B3GALT1: variants seen among roughly 807,000 people sequenced by gnomAD.
B3GALT1 encodes beta-1,3-galactosyltransferase 1, also known as UDP-Gal:betaGlcNAc beta 1,3-galactosyltransferase, polypeptide 1.
In B3GALT1, 10 loss-of-function variants were observed where a neutral mutation model predicts 23.2. That is an observed-to-expected ratio of 0.43 (90% CI 0.27 to 0.73). The LOEUF (loss-of-function observed/expected upper bound fraction) is 0.73, where lower values mean the gene tolerates loss of function less well. Among genes scored for constraint, B3GALT1 ranks in the 30% least tolerant of loss-of-function variants. The pLI is 0.21. For synonymous variants in B3GALT1, 156 were observed against 141.5 expected (o/e 1.10, Z -0.73); for missense variants, 299 against 405.4 (o/e 0.74, Z 2.25).
chr2:167,711,263 C>T (rs946993645), intron 3 of B3GALT1, among the ~76,000 whole-genome samples: 2 of 152,166 alleles, frequency 1.3e-5, no homozygotes, highest in Non-Finnish European at 2.9e-5. Flanking sequence ...GACCTCTAGT[C>T]GCACTCCATC....
At chr2:167,325,867 G>A (rs1322419752) in intron 1 of B3GALT1, among the ~76,000 whole-genome samples, 13 of 151,722 alleles carry the variant, frequency 8.6e-5, no homozygotes, top group African/African-American at 2.9e-4. Context: ...ACAGACGTTT[G>A]CCACCACACC....
At chr2:167,579,583 A>G (rs1232915812) in intron 2 of B3GALT1, among the ~76,000 whole-genome samples, 1 of 151,948 alleles carries the variant, frequency 6.6e-6, no homozygotes, top group South Asian at 2.1e-4. Context: ...GATAACTGCT[A>G]GGTTAAAGTC....
At position 167,570,736 on chromosome 2, in the gene B3GALT1, T is replaced by C. The variant is rs566949462; in HGVS notation, c.-409-76173T>C. On this transcript the variant is annotated intron_variant, in intron 2 of 4. Coordinates refer to ENST00000392690, the MANE Select transcript of B3GALT1 (RefSeq NM_020981.4). ...TAGAAAGATTTTAATCAGTGTTCTT[T>C]TGTTGCTATTGTTTTACCACCCCCC... Among the ~76,000 whole-genome samples, 168 of 152,090 alleles carry C rather than the reference T, an allele frequency of 1.1e-3. 1 individual carries two copies. The highest frequency in any genetic ancestry group is 3.8e-3 in the African/African-American group (157 of 41,538).
At chr2:167,539,255 T>A (rs1159936432) in intron 2 of B3GALT1, among the ~76,000 whole-genome samples, 34 of 150,650 alleles carry the variant, frequency 2.3e-4, no homozygotes, top group Non-Finnish European at 2.9e-5. Context: ...TTTCTTTTTC[T>A]ATTTAAAAAA....
chr2:167,335,766 C>T (rs140034287), intron 1 of B3GALT1, among the ~76,000 whole-genome samples: 141 of 152,238 alleles, frequency 9.3e-4, no homozygotes, highest in African/African-American at 3.2e-3. Flanking sequence ...GTTTGGCTGG[C>T]TTCTTTACTG....
intron 1 of B3GALT1, among the ~76,000 whole-genome samples, chr2:167,343,832 A>G (rs1392581201): frequency 1.3e-5 from 2 of 152,132 alleles, no homozygotes; most frequent in East Asian, 3.9e-4. Flanking sequence ...TTCAGGCTGT[A>G]TTAGAAGGGG....
intron 3 of B3GALT1, among the ~76,000 whole-genome samples, chr2:167,700,141 T>C (rs536881137): frequency 6.6e-6 from 1 of 152,192 alleles, no homozygotes; most frequent in Non-Finnish European, 1.5e-5. Flanking sequence ...TCCTAGCTAC[T>C]TGGGAGGCTG....
chr2:167,337,039 C>G (rs1324569812), intron 1 of B3GALT1, among the ~76,000 whole-genome samples: 1 of 152,148 alleles, frequency 6.6e-6, no homozygotes, highest in Non-Finnish European at 1.5e-5. Context: ...TGCCCCTCTT[C>G]CATGGAGGGG....
At chr2:167,297,368 C>T (rs1203071735) in intron 1 of B3GALT1, among the ~76,000 whole-genome samples, 2 of 149,712 alleles carry the variant, frequency 1.3e-5, no homozygotes, top group African/African-American at 4.9e-5. Flanking sequence ...GAAGGTATCA[C>T]ATTTATGTAC....
intron 3 of B3GALT1, chr2:167,715,091 G>T (rs1687122622): frequency 6.2e-7 from 1 of 1,613,208 alleles, no homozygotes; most frequent in Admixed American, 1.7e-5. Flanking sequence ...GGCTTTTAAA[G>T]AAACATTTAA....
intron 2 of B3GALT1, among the ~76,000 whole-genome samples, chr2:167,601,608 C>G: frequency 6.6e-6 from 1 of 152,066 alleles, no homozygotes. Flanking sequence ...TATTATTATC[C>G]CATTATTACA....
At chr2:167,646,743 C>T (rs1026282016) in intron 2 of B3GALT1, among the ~76,000 whole-genome samples, 166 bp from the exon 3 acceptor site, 4 of 151,976 alleles carry the variant, frequency 2.6e-5, no homozygotes, top group African/African-American at 4.8e-5. Flanking sequence ...AGTAATGGCC[C>T]GACAAATGAT....
At chr2:167,382,186 A>G (rs1697855539) in intron 1 of B3GALT1, among the ~76,000 whole-genome samples, 3 of 152,184 alleles carry the variant, frequency 2.0e-5, no homozygotes, top group Admixed American at 2.0e-4. Context: ...TCCACCATCA[A>G]ATAATTTCCC....
At chr2:167,747,173 A>G (rs2105282369) in intron 3 of B3GALT1, among the ~76,000 whole-genome samples, 1 of 152,218 alleles carries the variant, frequency 6.6e-6, no homozygotes, top group South Asian at 2.1e-4. Context: ...ATAAAGGGGG[A>G]GAGCATTGTG....
chr2:167,444,442 G>A (rs112630939), intron 1 of B3GALT1, among the ~76,000 whole-genome samples: 131 of 152,286 alleles, frequency 8.6e-4, no homozygotes, highest in African/African-American at 3.0e-3. Flanking sequence ...AGAAGGAATG[G>A]TACCAGCTCC....
intron 3 of B3GALT1, among the ~76,000 whole-genome samples, chr2:167,725,196 A>C (rs1214277298): frequency 6.6e-6 from 1 of 152,176 alleles, no homozygotes; most frequent in Non-Finnish European, 1.5e-5. Context: ...TAGAAGCCTC[A>C]AAACTTGGAG....
intron 1 of B3GALT1, among the ~76,000 whole-genome samples, chr2:167,429,138 G>A (rs573512759): frequency 5.7e-4 from 87 of 151,748 alleles, no homozygotes; most frequent in South Asian, 8.3e-4. Context: ...AAAATTAGCC[G>A]GGCATGGTGG....
intron 3 of B3GALT1, among the ~76,000 whole-genome samples, chr2:167,649,364 C>T (rs1685817992): frequency 6.6e-6 from 1 of 151,968 alleles, no homozygotes; most frequent in African/African-American, 2.4e-5. Flanking sequence ...GCATTTAGTA[C>T]ATTCACAATG....
intron 1 of B3GALT1, among the ~76,000 whole-genome samples, chr2:167,460,836 A>G (rs1699248874): frequency 6.6e-6 from 1 of 152,186 alleles, no homozygotes. Context: ...ACTAAACTGA[A>G]GTGTAAACTT....
Sources: gnomAD v4.1 joint callset for allele counts (sites outside exome capture counted in the v4.1 genomes callset) on GRCh38, gnomAD v4.1.1 for gene constraint, MANE v1.5 for transcripts, NCBI Gene and HGNC (gene_info 2026-07-23, HGNC 2026-07-21) for gene names.